Variants in KIAA0586 observed in about 807,000 individuals in gnomAD.
The protein encoded by KIAA0586 is KIAA0586.
A neutral mutation model predicts 169.8 loss-of-function variants in KIAA0586; 144 were observed. The observed-to-expected ratio is 0.85, with a 90% CI of 0.74 to 0.97. The LOEUF is 0.97. KIAA0586 is among the 50% of genes least tolerant of loss of function. The pLI, the probability that KIAA0586 is intolerant of heterozygous loss-of-function variation, is 0.00. For missense variants in KIAA0586, 1,854 were observed against 1,823.0 expected, an observed-to-expected ratio of 1.02 and a Z score of -0.31; for synonymous variants, 625 against 612.4, an observed-to-expected ratio of 1.02 and a Z score of -0.30.
chr14:58,506,407 G>A (rs547373540), intron 27 of KIAA0586, among the ~76,000 whole-genome samples: 1 of 152,208 alleles, frequency 6.6e-6, no homozygotes, highest in Non-Finnish European at 1.5e-5. Context: ...GGCTGGACAT[G>A]GTGGCTCATG....
chr14:58,451,736 T>G (rs550442790), intron 8 of KIAA0586, among the ~76,000 whole-genome samples: 18 of 152,070 alleles, frequency 1.2e-4, no homozygotes, highest in Non-Finnish European at 2.4e-4. Flanking sequence ...CGGGCTGGAG[T>G]GCAGTGGCAC....
rs567368326 is a variant in KIAA0586 at position 58,498,210 on chromosome 14, T to C, written c.3991-573T>C. Among the ~76,000 whole-genome samples the C allele has an allele frequency of 1.3e-3, 195 of 151,838 alleles. 1 individual carries two copies. Among genetic ancestry groups the C allele is most frequent in the African/African-American group, 3.6e-3 (148 of 41,352 alleles). On this transcript the variant is annotated intron_variant, in intron 26 of 30. Coordinates refer to ENST00000652326, the MANE Select transcript of KIAA0586 (RefSeq NM_001329943.3). ...TGTTTTTTTTGACACAGGGTCTCAC[T>C]GTATCACCCATGCTGGAGTACAGTC...
chr14:58,474,831 C>T (rs1300980659), intron 19 of KIAA0586, 34 bp downstream of exon 19: 1 of 1,381,586 alleles, frequency 7.2e-7, no homozygotes, highest in Non-Finnish European at 9.9e-7. Flanking sequence ...TGAATAGAAC[C>T]ATAGTAGAAA....
At chr14:58,502,556 A>T (rs992429596) in intron 27 of KIAA0586, among the ~76,000 whole-genome samples, 1 of 152,212 alleles carries the variant, frequency 6.6e-6, no homozygotes, top group Non-Finnish European at 1.5e-5. Context: ...AAAGGTGTAG[A>T]TACCAGGAGG....
intron 2 of KIAA0586, among the ~76,000 whole-genome samples, chr14:58,430,225 G>A (rs1437150434): frequency 6.6e-6 from 1 of 151,530 alleles, no homozygotes. Context: ...CAAATGTATG[G>A]ATACACTGTT....
chr14:58,546,392 G>A (rs908313266), intron 30 of KIAA0586, among the ~76,000 whole-genome samples: 8 of 152,118 alleles, frequency 5.3e-5, no homozygotes, highest in African/African-American at 1.9e-4. Context: ...CTCCAGAACT[G>A]TCTAATTATA....
intron 18 of KIAA0586, among the ~76,000 whole-genome samples, chr14:58,473,734 C>T (rs1384366034): frequency 6.6e-6 from 1 of 151,888 alleles, no homozygotes; most frequent in East Asian, 1.9e-4. Flanking sequence ...GGTGAAACCC[C>T]ATCTCTACCA....
At chr14:58,528,992 A>G (rs1329700355) in intron 29 of KIAA0586, among the ~76,000 whole-genome samples, 1 of 152,162 alleles carries the variant, frequency 6.6e-6, no homozygotes, top group East Asian at 1.9e-4. Context: ...AGAAGAATCT[A>G]ATAGACATAA....
intron 27 of KIAA0586, among the ~76,000 whole-genome samples, chr14:58,501,666 G>A (rs1031688004): frequency 1.3e-5 from 2 of 152,196 alleles, no homozygotes; most frequent in African/African-American, 4.8e-5. Context: ...ACATATGTAA[G>A]GCAGTATAGC....
chr14:58,459,330 TGAAC>T (rs1320341996), intron 12 of KIAA0586, among the ~76,000 whole-genome samples: 2 of 152,116 alleles, frequency 1.3e-5, no homozygotes, highest in African/African-American at 4.8e-5. Context: ...AAAAAAAAAT[TGAAC>T]TAAGAGTCAG....
rs1201271919 is a variant in KIAA0586 at position 58,488,818 on chromosome 14, A to G, written c.3725A>G (p.Lys1242Arg). ...VTVTETETLDKPISEGEILFS... is the reference protein window; with the variant it reads ...VTVTETETLDRPISEGEILFS... ...GTCACTGAAACTGAAACTTTAGATA[A>G]ACCCATCTCTGAAGGAGAGATTTTA... Residue 1242 changes from lysine to arginine, a missense_variant, in exon 24 of 31, where the codon AAA (lysine) becomes AGA (arginine). Transcript: ENST00000652326. The G allele has an allele frequency of 6.2e-7, 1 of 1,613,928 alleles. No individual in the cohort carries two copies. The highest frequency in any genetic ancestry group is 1.7e-5 in the Admixed American group (1 of 60,026).
chr14:58,553,129 T>C (rs2047226572), downstream of KIAA0586, among the ~76,000 whole-genome samples: 1 of 152,228 alleles, frequency 6.6e-6, no homozygotes, highest in Non-Finnish European at 1.5e-5. Flanking sequence ...TTGGGTTGAC[T>C]TTTCTCTCCA....
chr14:58,532,068 A>T (rs2140018415), intron 29 of KIAA0586, among the ~76,000 whole-genome samples: 1 of 152,212 alleles, frequency 6.6e-6, no homozygotes, highest in African/African-American at 2.4e-5. Flanking sequence ...TAGCGTTAGG[A>T]GAAATACCTA....
intron 29 of KIAA0586, among the ~76,000 whole-genome samples, chr14:58,526,054 C>T (rs2139943612): frequency 6.6e-6 from 1 of 152,328 alleles, no homozygotes. Context: ...AAGGCAGCAG[C>T]CCCAGTCAGG....
At chr14:58,474,535 T>G (rs752684942) in intron 18 of KIAA0586, 72 bp from the exon 19 acceptor site, 3 of 1,020,534 alleles carry the variant, frequency 2.9e-6, no homozygotes, top group Non-Finnish European at 4.1e-6. Context: ...CCTAGTTCCT[T>G]GCCTATAGTT....
chr14:58,481,663 C>CT (rs1005948810), intron 20 of KIAA0586, among the ~76,000 whole-genome samples: 32 of 151,986 alleles, frequency 2.1e-4, no homozygotes, highest in African/African-American at 7.2e-4. Flanking sequence ...TTTCATCTCC[C>CT]TTTTTTTTAT....
chr14:58,449,705 C>T (rs2039192977), intron 7 of KIAA0586, among the ~76,000 whole-genome samples: 1 of 152,158 alleles, frequency 6.6e-6, no homozygotes, highest in Non-Finnish European at 1.5e-5. Context: ...TTCAGTATGA[C>T]CCAGCTGAGT....
At chr14:58,542,934 G>T (rs1242656975) in intron 30 of KIAA0586, among the ~76,000 whole-genome samples, 1 of 151,458 alleles carries the variant, frequency 6.6e-6, no homozygotes. Context: ...GAGATCAGGA[G>T]ATTGAGACCA....
chr14:58,435,890 G>A (rs1395777875), intron 4 of KIAA0586, among the ~76,000 whole-genome samples: 1 of 151,984 alleles, frequency 6.6e-6, no homozygotes, highest in Non-Finnish European at 1.5e-5. Context: ...TGTATTTTTA[G>A]TAGAGACGGG....
Sources: gnomAD v4.1 joint callset for allele counts (sites outside exome capture counted in the v4.1 genomes callset) on GRCh38, gnomAD v4.1.1 for gene constraint, MANE v1.5 for transcripts, NCBI Gene and HGNC (gene_info 2026-07-23, HGNC 2026-07-21) for gene names.